CALN1: variants seen among roughly 807,000 people sequenced by gnomAD.
CALN1 encodes the protein calcium-binding protein 8.
Under a neutral mutation model 30.6 loss-of-function variants are expected in CALN1, and 17 were observed. The observed-to-expected ratio is 0.56, with a 90% CI of 0.38 to 0.83. The LOEUF (loss-of-function observed/expected upper bound fraction) is 0.83, where lower values mean the gene tolerates loss of function less well. Among genes scored for constraint, CALN1 ranks in the 40% least tolerant of loss-of-function variants. CALN1 has a pLI of 0.00. For missense variants in CALN1, 291 were observed against 354.9 expected, an observed-to-expected ratio of 0.82 and a Z score of 1.45; for synonymous variants, 156 against 131.4, an observed-to-expected ratio of 1.19 and a Z score of -1.28.
intron 3 of CALN1, among the ~76,000 whole-genome samples, chr7:72,271,626 A>C (rs1797001390): frequency 7.1e-6 from 1 of 140,760 alleles, no homozygotes; most frequent in African/African-American, 2.7e-5. Flanking sequence ...AGGGGTACAC[A>C]ATGAATGCAG....
intron 3 of CALN1, among the ~76,000 whole-genome samples, chr7:72,188,077 A>T (rs1790332674): frequency 6.6e-6 from 1 of 152,166 alleles, no homozygotes; most frequent in African/African-American, 2.4e-5. Flanking sequence ...TTTCTTAAAG[A>T]ACTGAACGTA....
intron 3 of CALN1, among the ~76,000 whole-genome samples, chr7:72,155,084 T>C (rs1050497898): frequency 6.6e-6 from 1 of 151,812 alleles, no homozygotes; most frequent in African/African-American, 2.4e-5. Context: ...TTAATTAATT[T>C]TTAAAAAGAA....
rs549357461 is a variant in CALN1, at chr7:72,364,892, G to A, written c.119+38359C>T. Among the ~76,000 whole-genome samples, 9 of 151,676 alleles carry A rather than the reference G, an allele frequency of 5.9e-5. No individual in the cohort carries two copies. In the South Asian group the frequency reaches 8.3e-4, roughly 14 times the overall value. ...TCTACTAAAAACACAAAAATTAGCC[G>A]GACATGGTGGCACACACCTGCAATC... On this transcript the variant is annotated intron_variant, in intron 2 of 6. Coordinates refer to ENST00000395275, the MANE Select transcript of CALN1 (RefSeq NM_031468.4).
intron 4 of CALN1, among the ~76,000 whole-genome samples, chr7:72,076,036 C>T (rs1804703779): frequency 6.6e-6 from 1 of 152,100 alleles, no homozygotes; most frequent in Non-Finnish European, 1.5e-5. Context: ...ATAAATACTT[C>T]TTGAGCACCT....
intron 5 of CALN1, among the ~76,000 whole-genome samples, chr7:71,992,408 A>G (rs936648085): frequency 1.3e-5 from 2 of 152,042 alleles, no homozygotes; most frequent in African/African-American, 4.8e-5. Flanking sequence ...CCAGGCTGGG[A>G]TGCAGTGGTG....
intron 3 of CALN1, among the ~76,000 whole-genome samples, chr7:72,158,755 GT>G (rs1161089765): frequency 6.6e-6 from 1 of 152,196 alleles, no homozygotes; most frequent in African/African-American, 2.4e-5. Flanking sequence ...GGAGCGAGTA[GT>G]TTGAAAGTAC....
chr7:71,985,671 C>A (rs945505999), intron 5 of CALN1, among the ~76,000 whole-genome samples: 1 of 142,736 alleles, frequency 7.0e-6, no homozygotes, highest in African/African-American at 2.6e-5. Context: ...CTCACTGTAA[C>A]CCCTGCCTCC....
chr7:72,046,850 A>G (rs1802505786), intron 4 of CALN1, among the ~76,000 whole-genome samples: 2 of 152,076 alleles, frequency 1.3e-5, no homozygotes, highest in South Asian at 4.1e-4. Flanking sequence ...CAACCTAGCA[A>G]AATCCTATCT....
intron 3 of CALN1, among the ~76,000 whole-genome samples, chr7:72,142,729 A>G (rs1810045017): frequency 6.6e-6 from 1 of 152,188 alleles, no homozygotes; most frequent in African/African-American, 2.4e-5. Flanking sequence ...ACCCCCCAGT[A>G]GGGGCAGACT....
At chr7:72,145,856 A>G (rs965349491) in intron 3 of CALN1, among the ~76,000 whole-genome samples, 14 of 152,380 alleles carry the variant, frequency 9.2e-5, no homozygotes, top group African/African-American at 3.4e-4. Context: ...TATAAACAGA[A>G]TCAAGGACAA....
At chr7:72,377,224 T>A (rs1361068653) in intron 2 of CALN1, among the ~76,000 whole-genome samples, 1 of 152,218 alleles carries the variant, frequency 6.6e-6, no homozygotes, top group East Asian at 1.9e-4. Flanking sequence ...ACAAAGGCAG[T>A]TAGAATTTTG....
chr7:72,197,061 A>C (rs774973027), intron 3 of CALN1, among the ~76,000 whole-genome samples: 48 of 151,974 alleles, frequency 3.2e-4, no homozygotes, highest in Admixed American at 6.6e-5. Context: ...ACCTCTGGGT[A>C]ATTTTGAGTG....
chr7:72,048,809 CTTCT>C (rs1455861298), intron 4 of CALN1, among the ~76,000 whole-genome samples: 1 of 149,818 alleles, frequency 6.7e-6, no homozygotes, highest in African/African-American at 2.5e-5. Flanking sequence ...TCCTTCCTTC[CTTCT>C]CTTTCTTTCG....
intron 3 of CALN1, among the ~76,000 whole-genome samples, chr7:72,254,392 T>A (rs1025207472): frequency 2.0e-5 from 3 of 152,126 alleles, no homozygotes; most frequent in African/African-American, 7.2e-5. Flanking sequence ...GCCTGGTAAT[T>A]TGTTAAGGCC....
intron 3 of CALN1, among the ~76,000 whole-genome samples, chr7:72,168,566 C>A (rs2129545298): frequency 6.6e-6 from 1 of 152,240 alleles, no homozygotes; most frequent in East Asian, 1.9e-4. Context: ...ACGTGGCACC[C>A]ATCTGTCTCT....
At chr7:72,200,256 C>A (rs961029017) in intron 3 of CALN1, among the ~76,000 whole-genome samples, 7 of 152,058 alleles carry the variant, frequency 4.6e-5, no homozygotes, top group Non-Finnish European at 1.0e-4. Context: ...AGTCAGTCAG[C>A]CAGGGGTGAA....
intron 3 of CALN1, among the ~76,000 whole-genome samples, chr7:72,251,036 A>C (rs1364569666): frequency 6.6e-6 from 1 of 152,150 alleles, no homozygotes; most frequent in Non-Finnish European, 1.5e-5. Context: ...AAAGACATAG[A>C]GACCAGACCA....
chr7:72,331,956 T>C (rs921283953), intron 2 of CALN1, among the ~76,000 whole-genome samples: 3 of 152,204 alleles, frequency 2.0e-5, no homozygotes, highest in African/African-American at 7.2e-5. Flanking sequence ...CATGCAGTAT[T>C]TGATTTTCAG....
intron 3 of CALN1, among the ~76,000 whole-genome samples, chr7:72,214,137 T>C (rs17144397): frequency 0.075 from 11,346 of 152,240 alleles, 1,086 homozygotes; most frequent in East Asian, 0.5. Context: ...TGACAAGGTG[T>C]TTACCACCAT....
Sources: gnomAD v4.1 joint callset for allele counts (sites outside exome capture counted in the v4.1 genomes callset) on GRCh38, gnomAD v4.1.1 for gene constraint, MANE v1.5 for transcripts, NCBI Gene and HGNC (gene_info 2026-07-23, HGNC 2026-07-21) for gene names.